Variants in NEGR1 observed in about 807,000 individuals in gnomAD.
NEGR1 encodes IgLON family member 4.
NEGR1 carries 10 observed loss-of-function variants against 40.9 expected under a neutral mutation model. That is an observed-to-expected ratio of 0.24 (90% CI 0.15 to 0.42). The LOEUF is 0.42. NEGR1 is among the 10% of genes least tolerant of loss of function. The pLI is 1.00. For synonymous variants in NEGR1, 185 were observed against 166.8 expected (o/e 1.11, Z -0.84); for missense variants, 352 against 438.9 (o/e 0.80, Z 1.77).
chr1:71,885,608 A>G (rs752690813), intron 2 of NEGR1, among the ~76,000 whole-genome samples: 8 of 152,220 alleles, frequency 5.3e-5, no homozygotes, highest in Non-Finnish European at 7.3e-5. Context: ...AGCTGAAAGG[A>G]GGCAATATAA....
chr1:71,519,710 C>T (rs1421964147), intron 6 of NEGR1, among the ~76,000 whole-genome samples: 1 of 121,964 alleles, frequency 8.2e-6, no homozygotes, highest in Non-Finnish European at 1.7e-5. Flanking sequence ...GCACATGTAC[C>T]CTAACACTTA....
intron 1 of NEGR1, among the ~76,000 whole-genome samples, chr1:72,196,530 G>A (rs936667911): frequency 6.6e-6 from 1 of 152,088 alleles, no homozygotes; most frequent in Non-Finnish European, 1.5e-5. Flanking sequence ...AGCACTTTGG[G>A]AGTCCGAGGC....
At chr1:71,691,756 TTG>T (rs1653289438) in intron 4 of NEGR1, among the ~76,000 whole-genome samples, 1 of 151,784 alleles carries the variant, frequency 6.6e-6, no homozygotes, top group South Asian at 2.1e-4. Context: ...CTTTTCTGTT[TTG>T]TGTCTTGATC....
intron 3 of NEGR1, among the ~76,000 whole-genome samples, chr1:71,735,200 G>A (rs1459792): frequency 0.41 from 63,031 of 151,884 alleles, 15,497 homozygotes; most frequent in Middle Eastern, 0.6. Context: ...ATGCAGCCAG[G>A]TTTAGTATTC....
intron 4 of NEGR1, among the ~76,000 whole-genome samples, chr1:71,620,337 T>TTTACATA (rs1650571858): frequency 6.6e-6 from 1 of 151,996 alleles, no homozygotes; most frequent in Admixed American, 6.6e-5. Context: ...GTATTTAGGA[T>TTTACATA]TTACATACTA....
chr1:71,919,496 CTTT>C (rs79222767), intron 2 of NEGR1, among the ~76,000 whole-genome samples: 17 of 139,520 alleles, frequency 1.2e-4, no homozygotes, highest in South Asian at 2.3e-4. Context: ...CTATCTTAAC[CTTT>C]TTTTTTTTTT....
At chr1:71,771,286 T>C (rs1374952395) in intron 3 of NEGR1, among the ~76,000 whole-genome samples, 1 of 152,004 alleles carries the variant, frequency 6.6e-6, no homozygotes, top group Non-Finnish European at 1.5e-5. Flanking sequence ...CATCACACAC[T>C]GGGGCCTGTC....
intron 6 of NEGR1, among the ~76,000 whole-genome samples, chr1:71,463,798 A>T (rs1300624836): frequency 6.6e-6 from 1 of 152,172 alleles, no homozygotes; most frequent in Admixed American, 6.6e-5. Flanking sequence ...CATGGGGACA[A>T]AATGATGCAG....
intron 4 of NEGR1, among the ~76,000 whole-genome samples, chr1:71,649,313 A>G (rs1651632111): frequency 6.6e-6 from 1 of 152,110 alleles, no homozygotes; most frequent in African/African-American, 2.4e-5. Context: ...AAGGCTTAAA[A>G]TGTATATCTG....
At chr1:71,447,354 G>C (rs1274416800) in intron 6 of NEGR1, among the ~76,000 whole-genome samples, 4 of 152,192 alleles carry the variant, frequency 2.6e-5, no homozygotes, top group African/African-American at 2.4e-5. Flanking sequence ...CTACCAGAGA[G>C]ATCTTTACAA....
At chr1:72,063,741 G>T (rs950599303) in intron 1 of NEGR1, among the ~76,000 whole-genome samples, 50 of 151,886 alleles carry the variant, frequency 3.3e-4, no homozygotes, top group Admixed American at 3.1e-3. Context: ...CCTAAAAGTA[G>T]AATCCAGAGA....
intron 4 of NEGR1, among the ~76,000 whole-genome samples, chr1:71,676,868 G>C (rs1339801808): frequency 6.6e-6 from 1 of 152,194 alleles, no homozygotes; most frequent in Non-Finnish European, 1.5e-5. Flanking sequence ...AATGATAAAT[G>C]TCATGACTGG....
chr1:72,169,167 T>C (rs767174646), intron 1 of NEGR1, among the ~76,000 whole-genome samples: 1 of 152,162 alleles, frequency 6.6e-6, no homozygotes, highest in South Asian at 2.1e-4. Context: ...CAGATATCCA[T>C]ACATATTCAA....
At chr1:71,662,380 T>A (rs1271553673) in intron 4 of NEGR1, among the ~76,000 whole-genome samples, 1 of 152,204 alleles carries the variant, frequency 6.6e-6, no homozygotes, top group Non-Finnish European at 1.5e-5. Flanking sequence ...TGGTTATGCA[T>A]GGAGAACGGA....
intron 1 of NEGR1, among the ~76,000 whole-genome samples, chr1:72,053,317 G>A (rs530981303): frequency 6.6e-6 from 1 of 150,482 alleles, no homozygotes; most frequent in South Asian, 2.1e-4. Flanking sequence ...AACTGGGTAA[G>A]GTAAAAGATA....
chr1:72,126,855 A>G (rs1650042230), intron 1 of NEGR1, among the ~76,000 whole-genome samples: 1 of 152,220 alleles, frequency 6.6e-6, no homozygotes, highest in Admixed American at 6.5e-5. Flanking sequence ...GGTTTGTCTC[A>G]TAACTGAGGA....
chr1:72,134,906 T>C (rs1650393802), intron 1 of NEGR1, among the ~76,000 whole-genome samples: 1 of 150,882 alleles, frequency 6.6e-6, no homozygotes, highest in Admixed American at 6.6e-5. Context: ...CCCAGCTAAT[T>C]TTGTATTTTT....
chr1:71,417,609 G>T (rs1290010348), intron 6 of NEGR1, among the ~76,000 whole-genome samples: 1 of 152,146 alleles, frequency 6.6e-6, no homozygotes, highest in Non-Finnish European at 1.5e-5. Flanking sequence ...GAATGTGTTT[G>T]TTATGGATGG....
At position 71,793,141 on chromosome 1, in the gene NEGR1, A is replaced by G. The variant is rs867559808; in HGVS notation, c.410-16844T>C. On this transcript the variant is annotated intron_variant, in intron 2 of 6. Coordinates refer to ENST00000357731, the MANE Select transcript of NEGR1 (RefSeq NM_173808.3). ...GAAAAGTAGAATAGAACTAGTCTCT[A>G]GAGAATATGGGCTGCCTGTAGGAAC... Among the ~76,000 whole-genome samples the G allele has an allele frequency of 4.2e-5, 6 of 144,566 alleles. No individual in the cohort carries two copies. The South Asian group carries it at 1.3e-3, about 32-fold the overall frequency. The allele number at this position is 144,566 out of a possible 152,430, so 94.8% of individuals were successfully genotyped here. A position where few individuals can be genotyped will look rare whatever the true frequency, so the allele number is the denominator to read the frequency against.
Sources: gnomAD v4.1 joint callset for allele counts (sites outside exome capture counted in the v4.1 genomes callset) on GRCh38, gnomAD v4.1.1 for gene constraint, MANE v1.5 for transcripts, NCBI Gene and HGNC (gene_info 2026-07-23, HGNC 2026-07-21) for gene names.